Variants in LNPEP observed in about 807,000 individuals in gnomAD.
LNPEP encodes leucyl and cystinyl aminopeptidase, also known as leucyl-cystinyl aminopeptidase.
LNPEP carries 64 observed loss-of-function variants against 120.6 expected under a neutral mutation model. The ratio of observed to expected loss-of-function variants is 0.53; its 90% CI spans 0.43 to 0.65. The LOEUF (loss-of-function observed/expected upper bound fraction) is 0.65. Among genes scored for constraint, LNPEP ranks in the 30% least tolerant of loss-of-function variants. The pLI is 0.00. For missense variants in LNPEP, 1,057 were observed against 1,200.0 expected, an observed-to-expected ratio of 0.88 and a Z score of 1.76; for synonymous variants, 435 against 425.4, an observed-to-expected ratio of 1.02 and a Z score of -0.28.
At chr5:96,951,777 A>G (rs1473227576) in intron 1 of LNPEP, among the ~76,000 whole-genome samples, 1 of 144,348 alleles carries the variant, frequency 6.9e-6, no homozygotes, top group African/African-American at 2.6e-5. Flanking sequence ...TTTTCTGGAC[A>G]CAGTAATTCA....
chr5:96,999,400 G>A (rs1790592483), intron 8 of LNPEP, among the ~76,000 whole-genome samples: 1 of 152,082 alleles, frequency 6.6e-6, no homozygotes, highest in South Asian at 2.1e-4. Flanking sequence ...GAAAGAGGCA[G>A]AAATGTTTTT....
chr5:96,988,036 T>A (rs1452041091), intron 4 of LNPEP, among the ~76,000 whole-genome samples: 1 of 152,322 alleles, frequency 6.6e-6, no homozygotes, highest in East Asian at 1.9e-4. Context: ...TTTAATTATC[T>A]CTTTTTTGTA....
chr5:97,026,367 T>A (rs1460582997), intron 15 of LNPEP, among the ~76,000 whole-genome samples: 2 of 152,256 alleles, frequency 1.3e-5, no homozygotes, highest in East Asian at 3.9e-4. Context: ...TTCCTAAATG[T>A]TTTTACTATT....
Position 97,031,033 on chromosome 5 carries a change from A to G in LNPEP, c.*2500A>G, listed in dbSNP as rs1059899. On this transcript the variant is annotated 3_prime_UTR_variant, in exon 18 of 18. Transcript: ENST00000231368. ...CTCAAAACATTGTCTTAGCCAGTGTATTTCTGAGAACTCAGACTGAAGCAC... is the reference window on the plus strand; with the variant it reads ...CTCAAAACATTGTCTTAGCCAGTGTGTTTCTGAGAACTCAGACTGAAGCAC... 1 of 152,052 alleles carries G rather than the reference A, an allele frequency of 6.6e-6. No individual in the cohort carries two copies. Among genetic ancestry groups the G allele is most frequent in the Non-Finnish European group, 1.5e-5 (1 of 68,000 alleles). The allele number at this position is 152,052 out of a possible 1,614,324, so 9.4% of individuals were successfully genotyped here. A position where few individuals can be genotyped will look rare whatever the true frequency, so the allele number is the denominator to read the frequency against.
chr5:96,994,434 T>C (rs1790460312), intron 6 of LNPEP, among the ~76,000 whole-genome samples: 1 of 151,592 alleles, frequency 6.6e-6, no homozygotes, highest in African/African-American at 2.4e-5. Flanking sequence ...TGCACCCTTC[T>C]GACAACTCAA....
chr5:96,973,006 T>C lies in LNPEP; in HGVS notation c.20-6132T>C, dbSNP rs554364102. Among the ~76,000 whole-genome samples the C allele has an allele frequency of 2.0e-5, 3 of 152,228 alleles. No homozygotes were observed. In the South Asian group the frequency reaches 6.2e-4, roughly 32 times the overall value. On this transcript the variant is annotated intron_variant, in intron 1 of 17. Coordinates refer to ENST00000231368, the MANE Select transcript of LNPEP (RefSeq NM_005575.3). Reference sequence around the variant, plus strand: ...AAAGCACAATATACTAGGGGTAAAGTAGTAATGCATGCGGGACTTTACATG... The same window carrying C: ...AAAGCACAATATACTAGGGGTAAAGCAGTAATGCATGCGGGACTTTACATG...
intron 1 of LNPEP, among the ~76,000 whole-genome samples, chr5:96,956,037 G>A (rs1789459463): frequency 6.6e-6 from 1 of 152,166 alleles, no homozygotes; most frequent in Admixed American, 6.5e-5. Context: ...CTATCTTTGT[G>A]TAGGGACAAG....
chr5:96,994,783 G>A lies in LNPEP; in HGVS notation c.1407+812G>A, dbSNP rs560447818. Among the ~76,000 whole-genome samples, 3 of 152,266 alleles carry A rather than the reference G, an allele frequency of 2.0e-5. 1 individual carries two copies. In the South Asian group the frequency reaches 6.2e-4, roughly 32 times the overall value. On this transcript the variant is annotated intron_variant, in intron 6 of 17. Transcript: ENST00000231368. ...AGCCTTTGTGAAGACTTCATGACAAGCTGGCATATGAGCACATTCTCATTT... is the reference window on the plus strand; with the variant it reads ...AGCCTTTGTGAAGACTTCATGACAAACTGGCATATGAGCACATTCTCATTT...
intron 1 of LNPEP, among the ~76,000 whole-genome samples, chr5:96,977,708 A>G (rs1272742309): frequency 6.6e-6 from 1 of 152,186 alleles, no homozygotes; most frequent in African/African-American, 2.4e-5. Context: ...CCACCATTAC[A>G]GTGTTTGTTG....
intron 11 of LNPEP, among the ~76,000 whole-genome samples, chr5:97,012,840 C>T (rs1037444689): frequency 2.0e-5 from 3 of 152,214 alleles, no homozygotes; most frequent in African/African-American, 7.2e-5. Flanking sequence ...CCCAGAAGTG[C>T]CTATCCTTTC....
At chr5:96,943,578 C>T (rs376470914) in intron 1 of LNPEP, among the ~76,000 whole-genome samples, 3 of 152,204 alleles carry the variant, frequency 2.0e-5, no homozygotes, top group East Asian at 1.9e-4. Context: ...TGAGCCAGTG[C>T]GGCCCTGTGG....
chr5:97,028,724 G>A lies in LNPEP; in HGVS notation c.*191G>A. 1 of 495,794 alleles carries A rather than the reference G, an allele frequency of 2.0e-6. No homozygotes were observed. 30.7% of individuals were successfully genotyped at this position (495,794 alleles called of 1,614,324 possible). A position where few individuals can be genotyped will look rare whatever the true frequency, so the allele number is the denominator to read the frequency against. The stretch of plus-strand genomic sequence containing the variant: ...CTGAAGTGTCTTTGGGCAGTATGTA[G>A]TTATTTATTACAAAATTATATTCAC... On this transcript the variant is annotated 3_prime_UTR_variant, in exon 18 of 18. Coordinates refer to ENST00000231368, the MANE Select transcript of LNPEP (RefSeq NM_005575.3).
chr5:96,961,252 G>T (rs894657705), intron 1 of LNPEP, among the ~76,000 whole-genome samples: 1 of 152,262 alleles, frequency 6.6e-6, no homozygotes, highest in South Asian at 2.1e-4. Context: ...TTTCCTGTAA[G>T]TATGGGAAAG....
chr5:96,974,942 A>G (rs1162048989), intron 1 of LNPEP, among the ~76,000 whole-genome samples: 1 of 152,014 alleles, frequency 6.6e-6, no homozygotes, highest in African/African-American at 2.4e-5. Context: ...ATCCTCCCTG[A>G]GTCTCCCTTT....
rs748293981 is a variant in LNPEP, at chr5:97,006,177, A to G, written c.1890A>G (p.Ile630Met). ...AAAAGAAAGGAAAGGAACTTTTTAT[A>G]CAACAAGAGAGATTCTTTTTAAATA... ...TVQKKGKELF[I>M]QQERFFLNMK... The change falls in exon 10 of 18, where the codon ATA (isoleucine) becomes ATG (methionine). Residue 630 changes from isoleucine to methionine, a missense_variant. Coordinates refer to ENST00000231368, the MANE Select transcript of LNPEP (RefSeq NM_005575.3). 1.2e-6 allele frequency: 2 copies of G among 1,604,808 alleles called. No individual in the cohort carries two copies. The highest frequency in any genetic ancestry group is 1.1e-5 in the South Asian group (1 of 89,634).
chr5:97,022,033 G>C (rs1791213969), intron 13 of LNPEP, among the ~76,000 whole-genome samples: 1 of 139,452 alleles, frequency 7.2e-6, no homozygotes, highest in South Asian at 2.4e-4. Flanking sequence ...CTGGGTTCAA[G>C]TGTTTCTCCT....
intron 13 of LNPEP, among the ~76,000 whole-genome samples, chr5:97,021,858 C>T (rs1227721242): frequency 6.9e-6 from 1 of 143,900 alleles, no homozygotes; most frequent in East Asian, 2.1e-4. Context: ...TTTTTTTCCT[C>T]ATTGGATAAA....
chr5:96,994,069 TAAGCATTGCC>T, intron 6 of LNPEP, 98 bp downstream of exon 6: 1 of 927,598 alleles, frequency 1.1e-6, no homozygotes, highest in Non-Finnish European at 1.6e-6. Context: ...TTTTTTTTTT[TAAGCATTGCC>T]TTCTTTTATA....
intron 1 of LNPEP, among the ~76,000 whole-genome samples, chr5:96,962,917 G>C (rs759575539): frequency 1.3e-5 from 2 of 152,204 alleles, no homozygotes; most frequent in Middle Eastern, 3.4e-3. Context: ...GTCTAACCTG[G>C]TCCCGTGCTA....
Sources: gnomAD v4.1 joint callset for allele counts (sites outside exome capture counted in the v4.1 genomes callset) on GRCh38, gnomAD v4.1.1 for gene constraint, MANE v1.5 for transcripts, NCBI Gene and HGNC (gene_info 2026-07-23, HGNC 2026-07-21) for gene names.